Variants in DNMBP observed in about 807,000 individuals in gnomAD.
The protein encoded by DNMBP is dynamin-binding protein.
In DNMBP, 87 loss-of-function variants were observed where a neutral mutation model predicts 150.0. The ratio of observed to expected loss-of-function variants is 0.58; its 90% CI spans 0.49 to 0.69. DNMBP has a LOEUF of 0.69. DNMBP is among the 30% of genes least tolerant of loss of function. The pLI, the probability that DNMBP is intolerant of heterozygous loss-of-function variation, is 0.00. For missense variants in DNMBP, 1,774 were observed against 1,949.0 expected, an observed-to-expected ratio of 0.91 and a Z score of 1.69; for synonymous variants, 711 against 750.4, an observed-to-expected ratio of 0.95 and a Z score of 0.86.
chr10:99,924,688 G>A (rs933660088), intron 4 of DNMBP, among the ~76,000 whole-genome samples: 1 of 152,184 alleles, frequency 6.6e-6, no homozygotes, highest in African/African-American at 2.4e-5. Context: ...AATTAAAGGA[G>A]ATATGGGATC....
At chr10:99,899,871 T>C in intron 7 of DNMBP, 48 bp downstream of exon 7, 1 of 1,606,318 alleles carries the variant, frequency 6.2e-7, no homozygotes, top group Non-Finnish European at 8.5e-7. Context: ...AGGTATAACT[T>C]AGAGAACTAA....
At position 99,886,321 on chromosome 10, in the gene DNMBP, C is replaced by A; in HGVS notation, c.3597G>T (p.Glu1199Asp). 2 of 1,613,600 alleles carry A rather than the reference C, an allele frequency of 1.2e-6. No individual in the cohort carries two copies. Among genetic ancestry groups the A allele is most frequent in the Non-Finnish European group, 1.7e-6 (2 of 1,179,538 alleles). Residue 1199 changes from glutamate (E) to aspartate (D), a missense_variant, in exon 13 of 17, where the codon GAG (glutamate) becomes GAT (aspartate). Transcript: ENST00000324109. ...TCACCGAAAGCAGTGGCTTTAATTGCTCCAGAGCCTGGTGCACAAAGTCAC... is the reference window on the plus strand; with the variant it reads ...TCACCGAAAGCAGTGGCTTTAATTGATCCAGAGCCTGGTGCACAAAGTCAC... ...AHCDFVHQAL[E>D]QLKPLLSLLK...
chr10:99,970,721 C>T (rs2040664448), intron 2 of DNMBP, among the ~76,000 whole-genome samples: 1 of 151,794 alleles, frequency 6.6e-6, no homozygotes. Context: ...ACCTGTAATC[C>T]CAGCACTTTG....
At chr10:99,996,455 G>A (rs916217968) in intron 1 of DNMBP, among the ~76,000 whole-genome samples, 3 of 152,258 alleles carry the variant, frequency 2.0e-5, no homozygotes, top group African/African-American at 4.8e-5. Flanking sequence ...AGGAGGCAGC[G>A]GTTGCAGTGA....
chr10:99,989,711 C>CA lies in DNMBP; in HGVS notation c.-10-17578dup, dbSNP rs916443231. ...GGGCAACAAGAGCGAAACTCTGTCT[C>CA]AAAAAAAAGAAAAAACAGACTTGAA... On this transcript the variant is annotated intron_variant, in intron 1 of 16. Transcript: ENST00000324109. 9.0e-4 allele frequency among the ~76,000 whole-genome samples: 136 copies of CA among 151,594 alleles called. 1 individual carries two copies. The highest frequency in any genetic ancestry group is 3.0e-3 in the African/African-American group (124 of 41,324).
intron 4 of DNMBP, among the ~76,000 whole-genome samples, chr10:99,948,062 ACCTT>A (rs2040378151): frequency 6.6e-6 from 1 of 152,204 alleles, no homozygotes; most frequent in Non-Finnish European, 1.5e-5. Flanking sequence ...AAATCTCTGT[ACCTT>A]CCTTTCAATG....
chr10:99,877,396 C>T lies in DNMBP; in HGVS notation c.4549-60G>A, dbSNP rs1590204045. 3.5e-6 allele frequency: 5 copies of T among 1,430,430 alleles called. No individual in the cohort carries two copies. In the South Asian group the frequency reaches 5.3e-5, roughly 15 times the overall value. The allele number at this position is 1,430,430 out of a possible 1,614,324, so 88.6% of individuals were successfully genotyped here. A position where few individuals can be genotyped will look rare whatever the true frequency, so the allele number is the denominator to read the frequency against. On this transcript the variant is annotated intron_variant, in intron 16 of 16. Coordinates refer to ENST00000324109, the MANE Select transcript of DNMBP (RefSeq NM_015221.4). ...TGGGAGCAATGCCATCCAACAGCTT[C>T]GTGCGGTGTTGGGGAGGGTTCCACA... is the stretch of plus-strand genomic sequence containing the variant.
chr10:99,976,460 T>A (rs2040728735), intron 1 of DNMBP, among the ~76,000 whole-genome samples: 1 of 152,206 alleles, frequency 6.6e-6, no homozygotes, highest in Admixed American at 6.5e-5. Context: ...CCTTTCTCTT[T>A]CAACGTCAGC....
intron 1 of DNMBP, among the ~76,000 whole-genome samples, chr10:99,973,212 T>C (rs561014624): frequency 2.6e-5 from 4 of 152,362 alleles, no homozygotes; most frequent in African/African-American, 9.6e-5. Flanking sequence ...ATTCCAGGCA[T>C]GAGCCACCGC....
chr10:99,970,971 C>CAAAAAAAAAAAAAAAAAAA lies in DNMBP; in HGVS notation c.145+990_145+1008dup, dbSNP rs532226561. On this transcript the variant is annotated intron_variant, in intron 2 of 16. Coordinates refer to ENST00000324109, the MANE Select transcript of DNMBP (RefSeq NM_015221.4). ...TGGGCAACAGAGCAAGACTCCGTCT[C>CAAAAAAAAAAAAAAAAAAA]AAAAAAAAAAAAAAAAAAAAAAAAA... Among the ~76,000 whole-genome samples, 216 of 33,192 alleles carry CAAAAAAAAAAAAAAAAAAA rather than the reference C, an allele frequency of 6.5e-3. 42 individuals are homozygous for CAAAAAAAAAAAAAAAAAAA. The highest frequency in any genetic ancestry group is 8.1e-3 in the Admixed American group (15 of 1,844). The allele number at this position is 33,192 out of a possible 152,430, so 21.8% of individuals were successfully genotyped here.
rs769625234 is a variant in DNMBP, at chr10:99,886,521, T to C, written c.3397A>G (p.Asn1133Asp). The change falls in exon 13 of 17, where the codon AAC (asparagine) becomes GAC (aspartate). Residue 1133 changes from asparagine (N) to aspartate (D), a missense_variant. By Grantham distance (23) the Asn-to-Asp change is conservative (BLOSUM62 1). This residue lies in a region of DNMBP where 1,430 missense variants were observed against 1,492.5 expected (regional missense o/e 0.96). Transcript: ENST00000324109. ...KRFDKLLDFYNCTERAEKLKD... is the reference protein window; with the variant it reads ...KRFDKLLDFYDCTERAEKLKD... ...AGCTTTTCTGCCCGTTCTGTACAGT[T>C]ATAGAAGTCCAGGAGCTTGTCAAAG... 1.2e-5 allele frequency: 19 copies of C among 1,614,048 alleles called. No individual in the cohort carries two copies. Among genetic ancestry groups the C allele is most frequent in the Non-Finnish European group, 1.6e-5 (19 of 1,180,046 alleles).
intron 4 of DNMBP, among the ~76,000 whole-genome samples, chr10:99,935,624 G>A (rs906020849): frequency 3.9e-5 from 6 of 152,110 alleles, no homozygotes; most frequent in African/African-American, 1.4e-4. Context: ...GAGTGCAATG[G>A]TGCAACCTCA....
At chr10:99,899,116 G>A (rs1268030722) in intron 7 of DNMBP, among the ~76,000 whole-genome samples, 4 of 152,052 alleles carry the variant, frequency 2.6e-5, no homozygotes, top group Non-Finnish European at 5.9e-5. Context: ...GCTTGAACCC[G>A]GGAGGTGGAG....
rs1483480697 is a variant in DNMBP, at chr10:99,886,534, G to A, written c.3384C>T (p.Leu1128=). 6.2e-7 allele frequency: 1 copy of A among 1,614,154 alleles called. No homozygotes were observed. The change falls in exon 13 of 17, where the codon CTC becomes CTT. Residue 1128 remains leucine (L), a synonymous_variant. Transcript: ENST00000324109. ...HKLVQKRFDK[L]LDFYNCTERA... ...GTTCTGTACAGTTATAGAAGTCCAG[G>A]AGCTTGTCAAAGCGTTTCTGTACCA...
intron 6 of DNMBP, among the ~76,000 whole-genome samples, chr10:99,903,246 C>T (rs566526384): frequency 7.0e-4 from 107 of 152,040 alleles, no homozygotes; most frequent in Non-Finnish European, 1.3e-3. Context: ...TGGCCAGAAG[C>T]TTCCCTTCTG....
intron 8 of DNMBP, among the ~76,000 whole-genome samples, 177 bp downstream of exon 8, chr10:99,898,566 G>A (rs1182103125): frequency 1.3e-5 from 2 of 152,146 alleles, no homozygotes; most frequent in Non-Finnish European, 2.9e-5. Context: ...GAGAAGATAG[G>A]CAATAAACAG....
In DNMBP at chr10:99,894,959, A is replaced by T. The variant is rs768817001; in HGVS notation, c.3143T>A (p.Leu1048His). 1.9e-6 allele frequency: 3 copies of T among 1,613,356 alleles called. No homozygotes were observed. Among genetic ancestry groups the T allele is most frequent in the Non-Finnish European group, 8.5e-7 (1 of 1,179,336 alleles). The change falls in exon 11 of 17, where the codon CTC becomes CAC. Residue 1048 changes from leucine (L) to histidine (H), a missense_variant. Physicochemically the swap from Leu to His is moderately conservative, Grantham distance 99. Around this residue, in one of 2 missense-constraint regions of DNMBP, gnomAD observed 1,430 missense variants for 1,492.5 expected, o/e 0.96. Transcript: ENST00000324109. ...KSFIRDLSLY[L>H]QHIRESACVK... ...GTTGATGCTCACCCGGATGTGCTGG[A>T]GGTAGAGAGACAGGTCTCGGATAAA...
chr10:99,901,204 G>T (rs982072541), intron 6 of DNMBP, among the ~76,000 whole-genome samples: 1 of 152,180 alleles, frequency 6.6e-6, no homozygotes, highest in Admixed American at 6.5e-5. Context: ...CCAAAGTGCT[G>T]GGATTACAGG....
rs765602487 is a variant in DNMBP at position 99,956,550 on chromosome 10, G to A, written c.924C>T (p.Thr308=). Residue 308 remains threonine, a synonymous_variant, in exon 4 of 17, where the codon ACC becomes ACT. Transcript: ENST00000324109. The part of the protein sequence containing the change: ...KLCPDTRVEE[T]MALPQEGSLA... ...GGCTGCCTTCCTGGGGCAGAGCCATGGTTTCCTCCACCCGTGTGTCAGGAC... is the reference window on the plus strand; with the variant it reads ...GGCTGCCTTCCTGGGGCAGAGCCATAGTTTCCTCCACCCGTGTGTCAGGAC... 1.9e-6 allele frequency: 3 copies of A among 1,614,134 alleles called. No homozygotes were observed. The highest frequency in any genetic ancestry group is 2.5e-6 in the Non-Finnish European group (3 of 1,180,016).
Sources: allele counts gnomAD v4.1 joint callset (sites outside exome capture counted in the v4.1 genomes callset), GRCh38; gene constraint gnomAD v4.1.1; regional missense constraint gnomAD v4.1.1; transcripts MANE v1.5; gene names NCBI Gene and HGNC (gene_info 2026-07-23, HGNC 2026-07-21).